UTRN: variants seen among roughly 807,000 people sequenced by gnomAD.
UTRN encodes dystrophin-related protein 1.
UTRN carries 283 observed loss-of-function variants against 463.9 expected under a neutral mutation model. That is an observed-to-expected ratio of 0.61 (90% confidence interval 0.55 to 0.67). The LOEUF (loss-of-function observed/expected upper bound fraction) is 0.67. Among genes scored for constraint, UTRN ranks in the 30% least tolerant of loss-of-function variants. The probability of loss-of-function intolerance (pLI) is 0.00; values close to 1 mark genes in which losing one functional copy is unlikely to be tolerated. For missense variants in UTRN, 3,922 were observed against 4,084.3 expected, an observed-to-expected ratio of 0.96 and a Z score of 1.08; for synonymous variants, 1,442 against 1,431.5, an observed-to-expected ratio of 1.01 and a Z score of -0.17.
chr6:144,540,778 A>G (rs1246916414), intron 45 of UTRN, among the ~76,000 whole-genome samples: 2 of 152,242 alleles, frequency 1.3e-5, no homozygotes, highest in African/African-American at 4.8e-5. Context: ...ACTATACCTC[A>G]GTCACCATTA....
chr6:144,300,209 C>T (rs967160567), intron 2 of UTRN, among the ~76,000 whole-genome samples: 3 of 152,172 alleles, frequency 2.0e-5, no homozygotes, highest in African/African-American at 4.8e-5. Context: ...CCCACCTCAG[C>T]TTCATGAGTA....
At chr6:144,419,234 C>T (rs950252645) in intron 3 of UTRN, among the ~76,000 whole-genome samples, 13 of 152,342 alleles carry the variant, frequency 8.5e-5, no homozygotes, top group African/African-American at 3.1e-4. Context: ...TCCTGAAGTT[C>T]TGCCTCTGGA....
chr6:144,471,421 C>T (rs912641041), intron 23 of UTRN, among the ~76,000 whole-genome samples: 3 of 152,144 alleles, frequency 2.0e-5, no homozygotes, highest in Non-Finnish European at 4.4e-5. Context: ...ATGAATTTCC[C>T]AGTTATACAG....
chr6:144,472,324 T>G (rs1790742251), intron 23 of UTRN, among the ~76,000 whole-genome samples: 1 of 151,796 alleles, frequency 6.6e-6, no homozygotes, highest in Non-Finnish European at 1.5e-5. Context: ...TTTTTTTTTT[T>G]TTTGGAGGAG....
At chr6:144,678,358 A>G (rs1781857999) in intron 51 of UTRN, 48 bp from the exon 52 acceptor site, 2 of 1,565,616 alleles carry the variant, frequency 1.3e-6, no homozygotes, top group Non-Finnish European at 8.7e-7. Context: ...ATATAAAGAT[A>G]TACTGATTCC....
intron 7 of UTRN, among the ~76,000 whole-genome samples, chr6:144,427,301 A>G (rs142844066): frequency 1.5e-4 from 23 of 152,256 alleles, no homozygotes; most frequent in Non-Finnish European, 3.2e-4. Flanking sequence ...AAAATTTGTT[A>G]TATTTTATTG....
chr6:144,780,716 A>T (rs976495821), intron 60 of UTRN, among the ~76,000 whole-genome samples: 2 of 152,192 alleles, frequency 1.3e-5, no homozygotes, highest in African/African-American at 4.8e-5. Flanking sequence ...CCCCTTGGGC[A>T]GTGTGTGCCT....
intron 54 of UTRN, among the ~76,000 whole-genome samples, chr6:144,735,790 G>A (rs186491543): frequency 6.6e-6 from 1 of 151,836 alleles, no homozygotes; most frequent in Non-Finnish European, 1.5e-5. Flanking sequence ...GGGTTAAAAC[G>A]ATATTGTATA....
At chr6:144,379,696 G>A (rs115333647) in intron 2 of UTRN, among the ~76,000 whole-genome samples, 3,175 of 152,306 alleles carry the variant, frequency 0.021, 92 homozygotes, top group African/African-American at 0.071. Context: ...TAAGCCCCCC[G>A]CTTGAATAGA....
chr6:144,776,628 C>T (rs1048800880), intron 60 of UTRN, among the ~76,000 whole-genome samples: 10 of 152,158 alleles, frequency 6.6e-5, no homozygotes, highest in African/African-American at 2.2e-4. Flanking sequence ...TTGCCTGGCT[C>T]ACCTCTCTGT....
intron 51 of UTRN, among the ~76,000 whole-genome samples, chr6:144,615,619 C>T (rs535502116): frequency 6.6e-6 from 1 of 152,208 alleles, no homozygotes; most frequent in Admixed American, 6.5e-5. Flanking sequence ...TTTGTTGTAC[C>T]TCAGCTAGCA....
intron 2 of UTRN, among the ~76,000 whole-genome samples, chr6:144,337,970 T>C (rs1217727731): frequency 2.0e-5 from 3 of 152,212 alleles, no homozygotes; most frequent in Non-Finnish European, 4.4e-5. Context: ...TCTCTCTGAC[T>C]TAATTCTGTT....
intron 51 of UTRN, among the ~76,000 whole-genome samples, chr6:144,599,049 G>A (rs184135223): frequency 2.0e-5 from 3 of 152,172 alleles, no homozygotes; most frequent in Non-Finnish European, 2.9e-5. Context: ...AACCTCCCTC[G>A]TCTTTAAATT....
chr6:144,684,613 G>A (rs1176592111), intron 52 of UTRN, among the ~76,000 whole-genome samples: 2 of 151,920 alleles, frequency 1.3e-5, no homozygotes, highest in African/African-American at 2.4e-5. Flanking sequence ...TATTACATTC[G>A]ACCTGGCCAT....
intron 53 of UTRN, among the ~76,000 whole-genome samples, chr6:144,709,831 T>C (rs1257974607): frequency 6.6e-6 from 1 of 152,226 alleles, no homozygotes; most frequent in African/African-American, 2.4e-5. Context: ...ACTCATATAT[T>C]CTGAGTCTTC....
intron 2 of UTRN, among the ~76,000 whole-genome samples, chr6:144,299,950 C>T (rs1424651093): frequency 2.6e-5 from 4 of 151,964 alleles, no homozygotes; most frequent in Non-Finnish European, 5.9e-5. Context: ...AATAATTTGC[C>T]TACCATTCTT....
chr6:144,839,372 A>T (rs1781367666), intron 72 of UTRN, 88 bp downstream of exon 72: 1 of 1,039,694 alleles, frequency 9.6e-7, no homozygotes, highest in South Asian at 1.5e-5. Flanking sequence ...ACATTCCTAC[A>T]CACTGGTGCC....
chr6:144,616,239 A>G (rs1313134352), intron 51 of UTRN, among the ~76,000 whole-genome samples: 1 of 152,204 alleles, frequency 6.6e-6, no homozygotes, highest in Non-Finnish European at 1.5e-5. Context: ...TTGATTCTGA[A>G]CTATTGTTAA....
intron 6 of UTRN, among the ~76,000 whole-genome samples, chr6:144,424,720 A>G (rs1292646592): frequency 6.6e-6 from 1 of 152,188 alleles, no homozygotes; most frequent in Non-Finnish European, 1.5e-5. Context: ...AAGAATTCCC[A>G]AGTACCTTTC....
Sources: allele counts gnomAD v4.1 joint callset (sites outside exome capture counted in the v4.1 genomes callset), GRCh38; gene constraint gnomAD v4.1.1; transcripts MANE v1.5; gene names NCBI Gene and HGNC (gene_info 2026-07-23, HGNC 2026-07-21).